The following MCU variants were observed in gnomAD, a reference collection of about 807,000 sequenced individuals.
The protein encoded by MCU is calcium uniporter protein, mitochondrial.
Under a neutral mutation model 45.2 loss-of-function variants are expected in MCU, and 12 were observed. That is an observed-to-expected ratio of 0.27 (90% CI 0.17 to 0.43). MCU has a LOEUF of 0.43. MCU is among the 20% of genes least tolerant of loss of function. MCU has a pLI of 1.00. For missense variants in MCU, 324 were observed against 436.7 expected (o/e 0.74, Z 2.30); for synonymous variants, 160 against 165.1 (o/e 0.97, Z 0.24).
intron 1 of MCU, among the ~76,000 whole-genome samples, chr10:72,799,713 A>G (rs1232151504): frequency 6.6e-6 from 1 of 152,212 alleles, no homozygotes; most frequent in Non-Finnish European, 1.5e-5. Flanking sequence ...TGATAGAAAA[A>G]AAAAGGTAAA....
chr10:72,761,523 A>G (rs1285634632), intron 1 of MCU, among the ~76,000 whole-genome samples: 2 of 152,218 alleles, frequency 1.3e-5, no homozygotes, highest in African/African-American at 2.4e-5. Flanking sequence ...CGGCACTGCC[A>G]TGCCTTCATG....
At chr10:72,841,963 C>T (rs1047915420) in intron 2 of MCU, among the ~76,000 whole-genome samples, 10 of 152,118 alleles carry the variant, frequency 6.6e-5, no homozygotes, top group Non-Finnish European at 1.2e-4. Flanking sequence ...ATATTTCGGG[C>T]TTTATGAATG....
rs552281626 is a variant in MCU at position 72,871,677 on chromosome 10, T to C, written c.861+97T>C. 3.0e-6 allele frequency: 3 copies of C among 991,726 alleles called. No individual in the cohort carries two copies. In the East Asian group the frequency reaches 7.5e-5, roughly 25 times the overall value. The allele number at this position is 991,726 out of a possible 1,614,324, so 61.4% of individuals were successfully genotyped here. ...CTCATCTTCTAAAGCCAGTTTTCTT[T>C]AAGTACTCATCCTTTACACATACAC... On this transcript the variant is annotated intron_variant, in intron 6 of 7. Transcript: ENST00000373053.
chr10:72,873,469 G>T (rs371255634), intron 6 of MCU, among the ~76,000 whole-genome samples: 2 of 152,090 alleles, frequency 1.3e-5, no homozygotes, highest in South Asian at 2.1e-4. Context: ...TTTTGCTATT[G>T]AGTTGTTTGA....
chr10:72,692,244 C>T lies in MCU; in HGVS notation c.93C>T (p.Ala31=), dbSNP rs773402357. ...GGAGGCGALT[A]GCFPGLGVSR... ...CCGGCGGCTGCGGGGCGCTGACTGC[C>T]GGCTGCTTCCCTGGGCTGGGCGTCA... Residue 31 remains alanine, a synonymous_variant, in exon 1 of 8, where the codon GCC becomes GCT. Coordinates refer to ENST00000373053, the MANE Select transcript of MCU (RefSeq NM_138357.3). 14 of 1,238,852 alleles carry T rather than the reference C, an allele frequency of 1.1e-5. No individual in the cohort carries two copies. The highest frequency in any genetic ancestry group is 1.4e-5 in the Non-Finnish European group (14 of 987,000). The allele number at this position is 1,238,852 out of a possible 1,614,324, so 76.7% of individuals were successfully genotyped here. A position where few individuals can be genotyped will look rare whatever the true frequency, so the allele number is the denominator to read the frequency against.
chr10:72,809,518 A>G (rs1221448229), intron 1 of MCU, among the ~76,000 whole-genome samples: 1 of 152,216 alleles, frequency 6.6e-6, no homozygotes, highest in African/African-American at 2.4e-5. Flanking sequence ...AAAAAGTTTG[A>G]CGTACAATTA....
chr10:72,711,085 A>G (rs1164550004), intron 1 of MCU, among the ~76,000 whole-genome samples: 1 of 151,874 alleles, frequency 6.6e-6, no homozygotes, highest in Non-Finnish European at 1.5e-5. Context: ...AGGCTGAGGC[A>G]GGATAATTGC....
chr10:72,766,840 A>G (rs1043404515), intron 1 of MCU: 3 of 152,226 alleles, frequency 2.0e-5, no homozygotes, highest in African/African-American at 7.2e-5. Flanking sequence ...TCATTTCCCA[A>G]AGATGAGTAG....
chr10:72,829,565 T>C (rs1184240667), intron 1 of MCU, among the ~76,000 whole-genome samples: 1 of 151,516 alleles, frequency 6.6e-6, no homozygotes, highest in Non-Finnish European at 1.5e-5. Flanking sequence ...TTTCAAACTT[T>C]CAGCCTCAGT....
chr10:72,694,237 C>T (rs1207644487), intron 1 of MCU, among the ~76,000 whole-genome samples: 1 of 152,134 alleles, frequency 6.6e-6, no homozygotes, highest in Non-Finnish European at 1.5e-5. Flanking sequence ...TTCTACAATT[C>T]TTCTGAAGCC....
At chr10:72,882,816 C>G (rs1341362715) in intron 6 of MCU, among the ~76,000 whole-genome samples, 1 of 152,228 alleles carries the variant, frequency 6.6e-6, no homozygotes, top group Non-Finnish European at 1.5e-5. Flanking sequence ...ACTCCCTCCC[C>G]TTTTGAAAGT....
At chr10:72,812,145 T>C (rs1844553747) in intron 1 of MCU, among the ~76,000 whole-genome samples, 1 of 152,076 alleles carries the variant, frequency 6.6e-6, no homozygotes, top group South Asian at 2.1e-4. Context: ...GTTTCTTTTC[T>C]TTTTGTTTTT....
intron 1 of MCU, among the ~76,000 whole-genome samples, chr10:72,714,794 C>G (rs547703252): frequency 1.1e-4 from 16 of 152,268 alleles, no homozygotes; most frequent in East Asian, 3.9e-4. Context: ...TCTGCCCCCC[C>G]CTTGGCCTCC....
At chr10:72,869,091 A>G (rs933710762) in intron 5 of MCU, among the ~76,000 whole-genome samples, 1 of 152,220 alleles carries the variant, frequency 6.6e-6, no homozygotes, top group East Asian at 1.9e-4. Context: ...TTCTAAATGC[A>G]CTGCCCTTAA....
At chr10:72,814,238 TA>T (rs1844591285) in intron 1 of MCU, among the ~76,000 whole-genome samples, 2 of 152,338 alleles carry the variant, frequency 1.3e-5, no homozygotes, top group Non-Finnish European at 2.9e-5. Context: ...GGAAGTCTTT[TA>T]TAGTATGGCA....
chr10:72,882,195 G>C (rs959139243), intron 6 of MCU, among the ~76,000 whole-genome samples: 3 of 152,118 alleles, frequency 2.0e-5, no homozygotes, highest in Non-Finnish European at 4.4e-5. Context: ...AATCCTGTCA[G>C]CTGAGGAGGA....
intron 1 of MCU, among the ~76,000 whole-genome samples, chr10:72,737,234 C>T (rs1007415444): frequency 3.9e-5 from 6 of 152,146 alleles, no homozygotes; most frequent in African/African-American, 1.4e-4. Context: ...GAAGAAAGAA[C>T]AGAAGTCACT....
intron 1 of MCU, among the ~76,000 whole-genome samples, chr10:72,809,154 C>T (rs1193841699): frequency 6.6e-6 from 1 of 152,156 alleles, no homozygotes; most frequent in Non-Finnish European, 1.5e-5. Context: ...TAACAATAAC[C>T]ATTCTGTTTT....
At chr10:72,736,161 G>T (rs961842583) in intron 1 of MCU, among the ~76,000 whole-genome samples, 1 of 152,142 alleles carries the variant, frequency 6.6e-6, no homozygotes, top group African/African-American at 2.4e-5. Flanking sequence ...TGACAGATTT[G>T]TGTATTCATG....
Sources: allele counts gnomAD v4.1 joint callset (sites outside exome capture counted in the v4.1 genomes callset), GRCh38; gene constraint gnomAD v4.1.1; transcripts MANE v1.5; gene names NCBI Gene and HGNC (gene_info 2026-07-23, HGNC 2026-07-21).